Variants in BABAM2 observed in about 807,000 individuals in gnomAD.
BABAM2 encodes the protein BRISC and BRCA1-A complex member 2.
Under a neutral mutation model 54.7 loss-of-function variants are expected in BABAM2, and 31 were observed. That is an observed-to-expected ratio of 0.57 (90% confidence interval 0.43 to 0.77). BABAM2 has a LOEUF of 0.77. BABAM2 is among the 30% of genes least tolerant of loss of function. BABAM2 has a pLI of 0.00. For synonymous variants in BABAM2, 167 were observed against 162.9 expected (o/e 1.03, Z -0.19); for missense variants, 364 against 455.8 (o/e 0.80, Z 1.83).
intron 5 of BABAM2, among the ~76,000 whole-genome samples, chr2:28,033,044 CA>C: frequency 6.6e-6 from 1 of 152,228 alleles, no homozygotes; most frequent in East Asian, 1.9e-4. Flanking sequence ...TCCATTACCA[CA>C]AAGATCTCTA....
chr2:28,112,133 C>CTT (rs1668103460), intron 6 of BABAM2, among the ~76,000 whole-genome samples: 1 of 16,638 alleles, frequency 6.0e-5, no homozygotes, highest in African/African-American at 2.7e-4. Context: ...TTCTTTCTTT[C>CTT]TTTCTTTCTT....
intron 4 of BABAM2, chr2:28,013,444 C>T (rs1416468595): frequency 2.2e-6 from 1 of 454,938 alleles, no homozygotes; most frequent in Admixed American, 2.4e-5. Context: ...GTTTTTTCTC[C>T]ATTATGAGTC....
At chr2:28,095,528 GTACTCATTATATTCCATCTCACACCTTTA>G (rs1330289128) in intron 6 of BABAM2, among the ~76,000 whole-genome samples, 3 of 152,012 alleles carry the variant, frequency 2.0e-5, no homozygotes, top group African/African-American at 7.2e-5. Context: ...TCATAGTCCA[GTACTCATTATATTCCATCTCACACCTTTA>G]CACTCAACGT....
chr2:27,901,940 A>G (rs1375496013), intron 2 of BABAM2, among the ~76,000 whole-genome samples: 2 of 152,168 alleles, frequency 1.3e-5, no homozygotes, highest in Non-Finnish European at 2.9e-5. Context: ...ATATTCATCT[A>G]TATCTTGCCC....
chr2:27,965,279 A>G (rs925097365), intron 3 of BABAM2, among the ~76,000 whole-genome samples: 1 of 152,202 alleles, frequency 6.6e-6, no homozygotes, highest in African/African-American at 2.4e-5. Context: ...ACCGTGTGAA[A>G]TCAAATCTTG....
chr2:28,134,823 A>G (rs1220564049), intron 7 of BABAM2, among the ~76,000 whole-genome samples: 4 of 152,218 alleles, frequency 2.6e-5, no homozygotes, highest in Non-Finnish European at 5.9e-5. Context: ...AATGTGGCTC[A>G]TCTCCTTAAT....
At chr2:28,315,419 CTTTTTT>C (rs1689447624) in intron 11 of BABAM2, among the ~76,000 whole-genome samples, 2 of 121,942 alleles carry the variant, frequency 1.6e-5, no homozygotes, top group African/African-American at 3.0e-5. Flanking sequence ...GTGTGTGGTT[CTTTTTT>C]CTTTTCTTTT....
rs76920234 is a variant in BABAM2, at chr2:28,168,160, G to T, written c.680+38780G>T. On this transcript the variant is annotated intron_variant, in intron 7 of 11. Coordinates refer to ENST00000379624, the MANE Select transcript of BABAM2 (RefSeq NM_199191.3). Reference sequence around the variant, plus strand: ...TAAAAGGTGTTCCCGTGGTCTAGACGTAGAAGCTGCCTTTAACAAGGGTCC... The same window carrying T: ...TAAAAGGTGTTCCCGTGGTCTAGACTTAGAAGCTGCCTTTAACAAGGGTCC... 4.7e-3 allele frequency among the ~76,000 whole-genome samples: 711 copies of T among 152,284 alleles called. 4 individuals carry two copies. Among genetic ancestry groups the T allele is most frequent in the African/African-American group, 0.016 (676 of 41,566 alleles).
intron 7 of BABAM2, among the ~76,000 whole-genome samples, chr2:28,153,524 AT>A (rs1366303975): frequency 6.6e-6 from 1 of 152,202 alleles, no homozygotes; most frequent in East Asian, 1.9e-4. Context: ...AAATTAATAC[AT>A]TACACTTGGT....
At chr2:28,174,544 G>T (rs1156652804) in intron 7 of BABAM2, among the ~76,000 whole-genome samples, 1 of 152,118 alleles carries the variant, frequency 6.6e-6, no homozygotes, top group Non-Finnish European at 1.5e-5. Flanking sequence ...GCACAGCCGG[G>T]ATCAGCTAGA....
chr2:28,086,688 TAAC>T lies in BABAM2; in HGVS notation c.570+40892_570+40894del, dbSNP rs1665670735. On this transcript the variant is annotated intron_variant, in intron 6 of 11. Coordinates refer to ENST00000379624, the MANE Select transcript of BABAM2 (RefSeq NM_199191.3). ...CTGTAAAACTGTACTTAGACAGAAATAACAATGTAAGAACTTATTTAAGATGCA... is the reference window on the plus strand; with the variant it reads ...CTGTAAAACTGTACTTAGACAGAAATAATGTAAGAACTTATTTAAGATGCA... Among the ~76,000 whole-genome samples, 3 of 152,226 alleles carry T rather than the reference TAAC, an allele frequency of 2.0e-5. No individual in the cohort carries two copies. In the South Asian group the frequency reaches 6.2e-4, roughly 31 times the overall value.
At chr2:28,210,753 G>A (rs1294139039) in intron 7 of BABAM2, among the ~76,000 whole-genome samples, 1 of 152,204 alleles carries the variant, frequency 6.6e-6, no homozygotes, top group Non-Finnish European at 1.5e-5. Flanking sequence ...AAGTACAGTA[G>A]CAAAGCTGTC....
chr2:28,314,496 T>C (rs1689345668), intron 11 of BABAM2, among the ~76,000 whole-genome samples: 1 of 152,246 alleles, frequency 6.6e-6, no homozygotes, highest in Non-Finnish European at 1.5e-5. Flanking sequence ...CTGTTTGCCT[T>C]GGTTGACACT....
At chr2:27,939,033 ACCT>A (rs1171873221) in intron 3 of BABAM2, among the ~76,000 whole-genome samples, 4 of 151,974 alleles carry the variant, frequency 2.6e-5, no homozygotes, top group African/African-American at 7.2e-5. Context: ...GCTCACTTCA[ACCT>A]CCACCTCCTG....
chr2:28,016,383 G>C, intron 4 of BABAM2: 2 of 1,390,758 alleles, frequency 1.4e-6, no homozygotes, highest in Non-Finnish European at 2.0e-6. Flanking sequence ...GATCGATTCA[G>C]ATAATCCTGT....
intron 11 of BABAM2, among the ~76,000 whole-genome samples, chr2:28,319,643 G>A (rs991459724): frequency 6.6e-6 from 1 of 152,242 alleles, no homozygotes; most frequent in Non-Finnish European, 1.5e-5. Flanking sequence ...CAAGGCAAGT[G>A]TGGCTGGTGT....
chr2:28,323,561 G>T (rs1161948664), intron 11 of BABAM2, among the ~76,000 whole-genome samples: 1 of 152,202 alleles, frequency 6.6e-6, no homozygotes, highest in Non-Finnish European at 1.5e-5. Context: ...AGGCATCTCT[G>T]GGGTACAGAG....
chr2:28,332,090 T>G (rs1691006536), intron 11 of BABAM2, among the ~76,000 whole-genome samples: 1 of 152,128 alleles, frequency 6.6e-6, no homozygotes, highest in African/African-American at 2.4e-5. Context: ...ATGTTGTCTC[T>G]TATAAGTGGG....
intron 10 of BABAM2, among the ~76,000 whole-genome samples, chr2:28,260,372 G>A (rs1487689729): frequency 6.8e-6 from 1 of 147,288 alleles, no homozygotes; most frequent in Non-Finnish European, 1.5e-5. Context: ...CACAATCTTG[G>A]TTCACTGCAA....
Sources: gnomAD v4.1 joint callset for allele counts (sites outside exome capture counted in the v4.1 genomes callset) on GRCh38, gnomAD v4.1.1 for gene constraint, MANE v1.5 for transcripts, NCBI Gene and HGNC (gene_info 2026-07-23, HGNC 2026-07-21) for gene names.